The following GRIN3A variants were observed in gnomAD, a reference collection of about 807,000 sequenced individuals.
GRIN3A encodes the protein glutamate receptor ionotropic, NMDA 3A.
GRIN3A carries 47 observed loss-of-function variants against 92.4 expected under a neutral mutation model. The observed-to-expected ratio is 0.51, with a 90% confidence interval of 0.40 to 0.65. The LOEUF is 0.65. GRIN3A is among the 30% of genes least tolerant of loss of function. The pLI is 0.00. For synonymous variants in GRIN3A, 527 were observed against 540.6 expected (o/e 0.97, Z 0.35); for missense variants, 1,324 against 1,393.1 (o/e 0.95, Z 0.79).
In GRIN3A at chr9:101,670,474, G is replaced by C. The variant is rs1471289479; in HGVS notation, c.1938C>G (p.Ser646Arg). The change falls in exon 3 of 9, where the codon AGC becomes AGG. Residue 646 changes from serine to arginine, a missense_variant. Coordinates refer to ENST00000361820, the MANE Select transcript of GRIN3A (RefSeq NM_133445.3). ...TGCCCAAGCTGGTGGAGAAGAAAGGGCTGGTGAAATCTATCACCTGGCTCC... is the reference window on the plus strand; with the variant it reads ...TGCCCAAGCTGGTGGAGAAGAAAGGCCTGGTGAAATCTATCACCTGGCTCC... ...TARSQVIDFT[S>R]PFFSTSLGIL... 6.2e-7 allele frequency: 1 copy of C among 1,613,970 alleles called. No individual in the cohort carries two copies. The highest frequency in any genetic ancestry group is 1.6e-4 in the Middle Eastern group (1 of 6,062).
intron 1 of GRIN3A, among the ~76,000 whole-genome samples, chr9:101,695,332 AG>A (rs1829671727): frequency 6.6e-6 from 1 of 152,166 alleles, no homozygotes; most frequent in Admixed American, 6.6e-5. Flanking sequence ...CTTTTCTTTC[AG>A]GATTTTAAAA....
chr9:101,720,502 A>G (rs963199274), intron 1 of GRIN3A, among the ~76,000 whole-genome samples: 1 of 152,198 alleles, frequency 6.6e-6, no homozygotes, highest in Non-Finnish European at 1.5e-5. Context: ...TCAAACAGAA[A>G]GAGTCTGTTA....
intron 3 of GRIN3A, among the ~76,000 whole-genome samples, chr9:101,638,606 C>T (rs760525806): frequency 6.6e-6 from 1 of 152,166 alleles, no homozygotes; most frequent in African/African-American, 2.4e-5. Flanking sequence ...ATATTAATAA[C>T]CATAATGGTG....
Position 101,594,337 on chromosome 9 carries a change from C to T in GRIN3A, c.2767-14977G>A, listed in dbSNP as rs1250907857. On this transcript the variant is annotated intron_variant, in intron 6 of 8. Coordinates refer to ENST00000361820, the MANE Select transcript of GRIN3A (RefSeq NM_133445.3). ...CAGATAAGTCAGAGAGACAGTTGGACGTCTTGAGCAAATCTTGAAAGAGAT... is the reference window on the plus strand; with the variant it reads ...CAGATAAGTCAGAGAGACAGTTGGATGTCTTGAGCAAATCTTGAAAGAGAT... The T allele has an allele frequency of 9.0e-5, 135 of 1,507,600 alleles. 2 individuals are homozygous for T. In the South Asian group the frequency reaches 1.5e-3, roughly 16 times the overall value. 93.4% of individuals were successfully genotyped at this position (1,507,600 alleles called of 1,614,324 possible).
In GRIN3A at chr9:101,687,462, A is replaced by G. The variant is rs1829553863; in HGVS notation, c.700-262T>C. 2.0e-5 allele frequency among the ~76,000 whole-genome samples: 3 copies of G among 152,286 alleles called. No individual in the cohort carries two copies. The South Asian group carries it at 6.2e-4, about 32-fold the overall frequency. On this transcript the variant is annotated intron_variant, in intron 1 of 8. Transcript: ENST00000361820. ...TGTGAATATCAGAAGTAACACAATC[A>G]TACATTTGGTTGAGGAGTTTTGTCA... is the stretch of plus-strand genomic sequence containing the variant.
At chr9:101,590,147 G>T (rs1200616229) in intron 6 of GRIN3A, among the ~76,000 whole-genome samples, 1 of 151,774 alleles carries the variant, frequency 6.6e-6, no homozygotes, top group Admixed American at 6.6e-5. Flanking sequence ...ACTGTCTTCT[G>T]ATCTACACAG....
At chr9:101,613,596 T>C in intron 5 of GRIN3A, 69 bp from the exon 6 acceptor site, 1 of 1,487,700 alleles carries the variant, frequency 6.7e-7, no homozygotes, top group South Asian at 1.2e-5. Context: ...ACAGTACATA[T>C]TTGTGTGATA....
At chr9:101,623,903 T>C (rs371711147) in intron 4 of GRIN3A, among the ~76,000 whole-genome samples, 16 of 152,360 alleles carry the variant, frequency 1.1e-4, no homozygotes, top group African/African-American at 3.6e-4. Flanking sequence ...CTAGTAAGTG[T>C]TGGGACTAGG....
rs773608928 is a variant in GRIN3A, at chr9:101,686,814, C to T, written c.1086G>A (p.Val362=). 2 of 1,614,174 alleles carry T rather than the reference C, an allele frequency of 1.2e-6. No individual in the cohort carries two copies. The highest frequency in any genetic ancestry group is 1.3e-5 in the African/African-American group (1 of 75,044). Residue 362 remains valine, a synonymous_variant, in exon 2 of 9, where the codon GTG becomes GTA. Transcript: ENST00000361820. ...GCAGACCCTCTGTCCTCAGTTCCTC[C>T]ACATTCTGGGAATCTCCCAGCACCC... The part of the protein sequence containing the change: ...LRWVLGDSQN[V]EELRTEGLPL...
intron 3 of GRIN3A, among the ~76,000 whole-genome samples, chr9:101,657,013 G>A (rs890727958): frequency 1.2e-4 from 18 of 151,874 alleles, no homozygotes; most frequent in East Asian, 7.8e-4. Context: ...AAATCATCTC[G>A]TCTAAATTAG....
At position 101,737,908 on chromosome 9, in the gene GRIN3A, C is replaced by T; in HGVS notation, c.72G>A (p.Val24=). ...AGGAGGAGCTGGGCACCCCGGCCAG[C>T]ACCAGTGCGCAGGGCGGCGGCAACA... ...CLLLPPPCAL[V]LAGVPSSSSH... Residue 24 remains valine (V), a synonymous_variant, in exon 1 of 9, where the codon GTG becomes GTA. Transcript: ENST00000361820. 1.3e-6 allele frequency: 2 copies of T among 1,535,746 alleles called. No homozygotes were observed. Among genetic ancestry groups the T allele is most frequent in the Non-Finnish European group, 1.7e-6 (2 of 1,147,284 alleles).
intron 3 of GRIN3A, among the ~76,000 whole-genome samples, chr9:101,648,089 G>A (rs1431707998): frequency 6.6e-6 from 1 of 151,188 alleles, no homozygotes; most frequent in African/African-American, 2.4e-5. Flanking sequence ...TTGCTTTTTT[G>A]GTGTGTTTAT....
chr9:101,613,331 G>C (rs1343751355), intron 6 of GRIN3A, 45 bp downstream of exon 6: 1 of 1,600,352 alleles, frequency 6.2e-7, no homozygotes, highest in Admixed American at 1.7e-5. Flanking sequence ...GTTCTCTGAG[G>C]TACAGCTATA....
chr9:101,580,183 C>A (rs933531584), intron 6 of GRIN3A, among the ~76,000 whole-genome samples: 2 of 152,132 alleles, frequency 1.3e-5, no homozygotes, highest in African/African-American at 4.8e-5. Context: ...TTCCTGTTCC[C>A]TTTTACCCCT....
chr9:101,625,308 A>G (rs1352331603), intron 4 of GRIN3A, among the ~76,000 whole-genome samples: 1 of 152,190 alleles, frequency 6.6e-6, no homozygotes, highest in Non-Finnish European at 1.5e-5. Context: ...TTCCTCTCTT[A>G]GATCCAGTGG....
intron 1 of GRIN3A, among the ~76,000 whole-genome samples, chr9:101,727,404 CA>C (rs1830093946): frequency 6.6e-6 from 1 of 152,038 alleles, no homozygotes; most frequent in African/African-American, 2.4e-5. Flanking sequence ...GAATTATCCA[CA>C]AAGAGCATAG....
rs192045053 is a variant in GRIN3A at position 101,677,211 on chromosome 9, C to A, written c.1305-6104G>T. On this transcript the variant is annotated intron_variant, in intron 2 of 8. Coordinates refer to ENST00000361820, the MANE Select transcript of GRIN3A (RefSeq NM_133445.3). ...GTGTATATTTCTTATTTTTTCAGGG[C>A]TTTCCCCTAAACTCTCTGATTTCCT... 2.6e-5 allele frequency among the ~76,000 whole-genome samples: 4 copies of A among 152,018 alleles called. No individual in the cohort carries two copies. The East Asian group carries it at 7.7e-4, about 29-fold the overall frequency.
chr9:101,737,215 C>T, intron 1 of GRIN3A, 66 bp downstream of exon 1: 1 of 1,336,548 alleles, frequency 7.5e-7, no homozygotes, highest in Non-Finnish European at 1.1e-6. Flanking sequence ...GTTTTCTCTC[C>T]CCTCATGCAA....
intron 1 of GRIN3A, among the ~76,000 whole-genome samples, chr9:101,733,771 T>A (rs1221641185): frequency 6.6e-6 from 1 of 152,230 alleles, no homozygotes; most frequent in Non-Finnish European, 1.5e-5. Flanking sequence ...ATATATTAAT[T>A]TGTTAGTACA....
Sources: gnomAD v4.1 joint callset for allele counts (sites outside exome capture counted in the v4.1 genomes callset) on GRCh38, gnomAD v4.1.1 for gene constraint, MANE v1.5 for transcripts, NCBI Gene and HGNC (gene_info 2026-07-23, HGNC 2026-07-21) for gene names.